The following TASP1 variants were observed in gnomAD, a reference collection of about 807,000 sequenced individuals.
The protein encoded by TASP1 is taspase 1.
In TASP1, 16 loss-of-function variants were observed where a neutral mutation model predicts 56.6. That is an observed-to-expected ratio of 0.28 (90% CI 0.19 to 0.43). TASP1 has a LOEUF of 0.43. TASP1 is among the 20% of genes least tolerant of loss of function. The probability of loss-of-function intolerance (pLI) is 1.00; values close to 1 mark genes in which losing one functional copy is unlikely to be tolerated. For missense variants in TASP1, 393 were observed against 511.6 expected (o/e 0.77, Z 2.24); for synonymous variants, 179 against 184.2 (o/e 0.97, Z 0.23).
chr20:13,247,241 A>G, the TASP1 span, among the ~76,000 whole-genome samples: 1 of 152,188 alleles, frequency 6.6e-6, no homozygotes, highest in Non-Finnish European at 1.5e-5. Flanking sequence ...TCAAAAAAAA[A>G]ATAAGAAGAG....
At chr20:13,522,101 G>A (rs893279589) in intron 10 of TASP1, among the ~76,000 whole-genome samples, 10 of 152,152 alleles carry the variant, frequency 6.6e-5, no homozygotes, top group African/African-American at 2.2e-4. Context: ...AGGAGCCACC[G>A]TAGCTGGAAT....
the TASP1 span, among the ~76,000 whole-genome samples, chr20:13,356,642 T>C: frequency 6.6e-6 from 1 of 152,328 alleles, no homozygotes; most frequent in South Asian, 2.1e-4. Flanking sequence ...AAGCATGAGA[T>C]GCTCTAGATA....
At chr20:13,297,689 G>C in the TASP1 span, among the ~76,000 whole-genome samples, 1 of 152,238 alleles carries the variant, frequency 6.6e-6, no homozygotes, top group South Asian at 2.1e-4. Flanking sequence ...TCCCATGGGA[G>C]AATGCAGGAT....
the TASP1 span, among the ~76,000 whole-genome samples, chr20:13,332,417 T>C: frequency 5.3e-5 from 8 of 152,350 alleles, no homozygotes; most frequent in East Asian, 1.5e-3. Context: ...ATTATAATTT[T>C]AAGTTCTTAG....
At chr20:13,220,418 A>G in the TASP1 span, among the ~76,000 whole-genome samples, 3 of 152,234 alleles carry the variant, frequency 2.0e-5, no homozygotes, top group African/African-American at 7.2e-5. Context: ...CCGAGGCTGC[A>G]GCGCGGTCAT....
At chr20:13,272,542 A>C in the TASP1 span, among the ~76,000 whole-genome samples, 1 of 152,224 alleles carries the variant, frequency 6.6e-6, no homozygotes, top group South Asian at 2.1e-4. Flanking sequence ...ATAGGTGGAA[A>C]GAAGTCGGAC....
At chr20:13,254,100 G>A in the TASP1 span, among the ~76,000 whole-genome samples, 3 of 150,834 alleles carry the variant, frequency 2.0e-5, no homozygotes, top group African/African-American at 7.3e-5. Flanking sequence ...AGGCATGGTG[G>A]TACATGCCTG....
At chr20:13,264,723 G>C in the TASP1 span, among the ~76,000 whole-genome samples, 2 of 152,294 alleles carry the variant, frequency 1.3e-5, no homozygotes, top group Admixed American at 6.5e-5. Flanking sequence ...GGACATTCTT[G>C]GTGTTGGACC....
At chr20:13,164,674 G>A in the TASP1 span, 2 of 1,010,702 alleles carry the variant, frequency 2.0e-6, no homozygotes, top group Admixed American at 2.2e-5. Context: ...TCTTTGTGAG[G>A]CTTGCTATTA....
chr20:13,418,274 C>G (rs979219164), intron 12 of TASP1, among the ~76,000 whole-genome samples: 10 of 152,104 alleles, frequency 6.6e-5, no homozygotes, highest in African/African-American at 2.4e-4. Flanking sequence ...AATGTCCATT[C>G]CAGAGCTGGG....
intron 8 of TASP1, among the ~76,000 whole-genome samples, chr20:13,546,615 C>G (rs1170830898): frequency 6.6e-6 from 1 of 152,022 alleles, no homozygotes; most frequent in Non-Finnish European, 1.5e-5. Context: ...CATTCCTTTT[C>G]TTGGCGGTGT....
At chr20:13,501,333 T>C (rs1453174070) in intron 10 of TASP1, among the ~76,000 whole-genome samples, 1 of 151,962 alleles carries the variant, frequency 6.6e-6, no homozygotes, top group Non-Finnish European at 1.5e-5. Flanking sequence ...TATATATATT[T>C]AGTGTGTGTG....
chr20:13,360,768 C>G, the TASP1 span, among the ~76,000 whole-genome samples: 1 of 152,176 alleles, frequency 6.6e-6, no homozygotes, highest in Non-Finnish European at 1.5e-5. Flanking sequence ...GTTGAGTCTC[C>G]CACAACTACC....
At chr20:13,295,977 G>T in the TASP1 span, among the ~76,000 whole-genome samples, 21 of 152,346 alleles carry the variant, frequency 1.4e-4, no homozygotes, top group Admixed American at 1.3e-4. Flanking sequence ...GGAGCAACCT[G>T]GTGTCACGTG....
chr20:13,216,985 G>A, the TASP1 span, among the ~76,000 whole-genome samples: 1 of 152,264 alleles, frequency 6.6e-6, no homozygotes, highest in South Asian at 2.1e-4. Context: ...AGAATGCCCA[G>A]GAAGAAACAG....
the TASP1 span, among the ~76,000 whole-genome samples, chr20:13,340,359 A>C: frequency 6.6e-6 from 1 of 152,184 alleles, no homozygotes; most frequent in Non-Finnish European, 1.5e-5. Flanking sequence ...TTATCAAGTA[A>C]GACAATCACT....
chr20:13,334,524 C>CTACTAA, the TASP1 span, among the ~76,000 whole-genome samples: 1 of 152,166 alleles, frequency 6.6e-6, no homozygotes, highest in Admixed American at 6.5e-5. Flanking sequence ...ATCTAACTTT[C>CTACTAA]TACTAAAATT....
At chr20:13,243,697 A>C in the TASP1 span, among the ~76,000 whole-genome samples, 3 of 152,196 alleles carry the variant, frequency 2.0e-5, no homozygotes, top group Admixed American at 2.0e-4. Flanking sequence ...CTAGGGAAGA[A>C]ATTAAGCATG....
chr20:13,289,474 C>T, the TASP1 span, among the ~76,000 whole-genome samples: 32 of 152,328 alleles, frequency 2.1e-4, 1 homozygote, highest in Middle Eastern at 6.8e-3. Context: ...TAATTGCACA[C>T]TTGGTGAGAG....
Sources: gnomAD v4.1 joint callset for allele counts (sites outside exome capture counted in the v4.1 genomes callset) on GRCh38, gnomAD v4.1.1 for gene constraint, MANE v1.5 for transcripts, NCBI Gene and HGNC (gene_info 2026-07-23, HGNC 2026-07-21) for gene names.